Variants in NOS1 observed in about 807,000 individuals in gnomAD.
NOS1 encodes the protein nitric oxide synthase 1, also known as NOS type I.
NOS1 carries 51 observed loss-of-function variants against 164.5 expected under a neutral mutation model. That is an observed-to-expected ratio of 0.31 (90% CI 0.25 to 0.39). The LOEUF (loss-of-function observed/expected upper bound fraction) is 0.39, where lower values mean the gene tolerates loss of function less well. NOS1 is among the 10% of genes least tolerant of loss of function. The pLI is 1.00. For missense variants in NOS1, 1,362 were observed against 1,885.6 expected (o/e 0.72, Z 5.14); for synonymous variants, 719 against 745.8 (o/e 0.96, Z 0.59).
intron 3 of NOS1, among the ~76,000 whole-genome samples, chr12:117,293,714 G>A (rs1214833107): frequency 2.0e-5 from 3 of 151,126 alleles, no homozygotes; most frequent in African/African-American, 7.3e-5. Context: ...ATTATTACTT[G>A]TATTATTATT....
chr12:117,280,362 C>T lies in NOS1; in HGVS notation c.1524+363G>A, dbSNP rs113351267. Among the ~76,000 whole-genome samples the T allele has an allele frequency of 5.0e-4, 76 of 152,288 alleles. 1 individual carries two copies. Among genetic ancestry groups the T allele is most frequent in the African/African-American group, 1.6e-3 (68 of 41,552 alleles). ...GATGCCAGATATGGCTTCCATTTCT[C>T]GGCTCTTCCCTTCCTGGTGAGAGGC... On this transcript the variant is annotated intron_variant, in intron 8 of 28. Transcript: ENST00000317775.
chr12:117,358,497 T>C (rs12827766), intron 1 of NOS1, among the ~76,000 whole-genome samples: 30,854 of 152,242 alleles, frequency 0.2, 3,357 homozygotes, highest in Admixed American at 0.25. Context: ...CATGGGACAC[T>C]CTTCCCTCTG....
chr12:117,222,272 T>C (rs1217084928), intron 26 of NOS1, among the ~76,000 whole-genome samples: 10 of 152,178 alleles, frequency 6.6e-5, no homozygotes, highest in Admixed American at 6.5e-4. Context: ...ATATATATTT[T>C]TGAGATGGAG....
At chr12:117,353,684 C>G (rs1207148736) in intron 1 of NOS1, among the ~76,000 whole-genome samples, 1 of 152,182 alleles carries the variant, frequency 6.6e-6, no homozygotes, top group African/African-American at 2.4e-5. Context: ...TGGTTCCCAT[C>G]ATCAGAGTCA....
chr12:117,223,795 C>T (rs909147393), intron 25 of NOS1, among the ~76,000 whole-genome samples: 2 of 152,014 alleles, frequency 1.3e-5, no homozygotes, highest in African/African-American at 4.8e-5. Context: ...ACTTGGATTA[C>T]AGATGTGTGC....
At chr12:117,258,939 A>G in intron 15 of NOS1, 87 bp downstream of exon 15, 1 of 852,220 alleles carries the variant, frequency 1.2e-6, no homozygotes, top group Non-Finnish European at 1.9e-6. Flanking sequence ...GCTACTGAAT[A>G]GCAGGTGTAG....
Position 117,253,626 on chromosome 12 carries a change from C to A in NOS1, c.2648+12G>T, listed in dbSNP as rs1398682127. ...CTTCCCTGACCCCCGACCCCCTTATCCCCTTGCTCACCTCACATTGGCCAG... is the reference window on the plus strand; with the variant it reads ...CTTCCCTGACCCCCGACCCCCTTATACCCTTGCTCACCTCACATTGGCCAG... On this transcript the variant is annotated intron_variant, in intron 17 of 28. Transcript: ENST00000317775. 3 of 1,593,442 alleles carry A rather than the reference C, an allele frequency of 1.9e-6. No homozygotes were observed. Among genetic ancestry groups the A allele is most frequent in the Admixed American group, 3.3e-5 (2 of 59,886 alleles).
chr12:117,290,500 G>T, intron 3 of NOS1, 74 bp from the exon 4 acceptor site: 1 of 1,515,544 alleles, frequency 6.6e-7, no homozygotes, highest in Non-Finnish European at 8.9e-7. Flanking sequence ...ACAGAGGCTG[G>T]GAGAGCCATT....
chr12:117,233,934 T>C lies in NOS1; in HGVS notation c.3235+631A>G, dbSNP rs909588425. Among the ~76,000 whole-genome samples, 6 of 152,164 alleles carry C rather than the reference T, an allele frequency of 3.9e-5. No individual in the cohort carries two copies. The East Asian group carries it at 1.2e-3, about 29-fold the overall frequency. On this transcript the variant is annotated intron_variant, in intron 21 of 28. Transcript: ENST00000317775. ...ATCTTGACTTTACATCCTAGCTCTTTTGTAAAAGTGACAGTCCTGTATTGG... is the reference window on the plus strand; with the variant it reads ...ATCTTGACTTTACATCCTAGCTCTTCTGTAAAAGTGACAGTCCTGTATTGG...
intron 1 of NOS1, chr12:117,348,156 C>T (rs981104896): frequency 2.0e-5 from 3 of 152,030 alleles, no homozygotes; most frequent in African/African-American, 7.3e-5. Context: ...CACATCCCCA[C>T]CTGAGTCAGC....
intron 1 of NOS1, among the ~76,000 whole-genome samples, chr12:117,339,932 G>A (rs922292509): frequency 1.3e-5 from 2 of 152,210 alleles, no homozygotes; most frequent in Non-Finnish European, 2.9e-5. Context: ...AGGAAAGGGG[G>A]CTGGAAGGCT....
chr12:117,270,162 G>C (rs969501096), intron 10 of NOS1, among the ~76,000 whole-genome samples: 3 of 152,224 alleles, frequency 2.0e-5, no homozygotes, highest in Admixed American at 1.3e-4. Context: ...CCAATAGCAA[G>C]TGCATTAATT....
At chr12:117,297,445 G>A (rs9658325) in intron 3 of NOS1, among the ~76,000 whole-genome samples, 2,250 of 152,064 alleles carry the variant, frequency 0.015, 50 homozygotes, top group African/African-American at 0.051. Context: ...AGGCTGGAGT[G>A]CAATGGTGCG....
rs1874104961 is a variant in NOS1 at position 117,286,226 on chromosome 12, T to A, written c.1168A>T (p.Asn390Tyr). 6.2e-7 allele frequency: 1 copy of A among 1,614,106 alleles called. No homozygotes were observed. The highest frequency in any genetic ancestry group is 1.7e-5 in the Admixed American group (1 of 60,000). The stretch of plus-strand genomic sequence containing the variant: ...GTGCTAGTGGTGTCGATCTCTTTGT[T>A]CACCTCTTCCAGCCTTTCCATGTGG... ...KAHMERLEEV[N>Y]KEIDTTSTYQ... The change falls in exon 6 of 29, where the codon AAC (asparagine) becomes TAC (tyrosine). Residue 390 changes from asparagine (N) to tyrosine (Y), a missense_variant. Asn to Tyr is a moderately radical substitution (Grantham distance 143, BLOSUM62 -2). This residue lies in a region of NOS1 where 129 missense variants were observed against 186.0 expected (regional missense o/e 0.69). Transcript: ENST00000317775.
In NOS1 at chr12:117,234,834, CTTG is replaced by C. The variant is rs1869566466; in HGVS notation, c.3042-79_3042-77del. ...TCCTTTTTTTGCTCTTCTGTCTGTCCTTGTTGGCTGCAATTCTCCTCCTTCCAT... is the reference window on the plus strand; with the variant it reads ...TCCTTTTTTTGCTCTTCTGTCTGTCCTTGGCTGCAATTCTCCTCCTTCCAT... On this transcript the variant is annotated intron_variant, in intron 20 of 28. Transcript: ENST00000317775. This position sits in a 1 kb window ranked among gnomAD's most constrained non-coding sequence, Gnocchi z 4.3. 1.5e-6 allele frequency: 2 copies of C among 1,303,978 alleles called. No individual in the cohort carries two copies. Among genetic ancestry groups the C allele is most frequent in the African/African-American group, 1.5e-5 (1 of 67,906 alleles). 80.8% of individuals were successfully genotyped at this position (1,303,978 alleles called of 1,614,324 possible). A position where few individuals can be genotyped will look rare whatever the true frequency, so the allele number is the denominator to read the frequency against.
At chr12:117,252,537 A>C (rs1871177448) in intron 17 of NOS1, among the ~76,000 whole-genome samples, 1 of 152,212 alleles carries the variant, frequency 6.6e-6, no homozygotes, top group Non-Finnish European at 1.5e-5. Flanking sequence ...CCAAGAGTGA[A>C]CCCTAAAGTA....
chr12:117,225,172 A>G (rs780394643), intron 24 of NOS1, 35 bp from the exon 25 acceptor site: 11 of 1,583,514 alleles, frequency 6.9e-6, no homozygotes, highest in African/African-American at 2.7e-5. Flanking sequence ...AGTCTTGCAG[A>G]GCTCAAATCC....
intron 17 of NOS1, among the ~76,000 whole-genome samples, chr12:117,248,242 ATGTGTAGGTTAGT>A (rs1870802231): frequency 6.6e-6 from 1 of 151,488 alleles, no homozygotes; most frequent in South Asian, 2.1e-4. Flanking sequence ...CATGTGCACC[ATGTGTAGGTTAGT>A]TACATATGTA....
intron 3 of NOS1, among the ~76,000 whole-genome samples, chr12:117,301,082 A>T (rs1873783644): frequency 6.6e-6 from 1 of 152,168 alleles, no homozygotes; most frequent in Non-Finnish European, 1.5e-5. Context: ...ATCAAATGAG[A>T]AGAGGGGATG....
Sources: allele counts gnomAD v4.1 joint callset (sites outside exome capture counted in the v4.1 genomes callset), GRCh38; gene constraint gnomAD v4.1.1; regional missense constraint gnomAD v4.1.1; non-coding constraint Gnocchi (gnomAD v3.1); transcripts MANE v1.5; gene names NCBI Gene and HGNC (gene_info 2026-07-23, HGNC 2026-07-21).